The following TMEM178B variants were observed in gnomAD, a reference collection of about 807,000 sequenced individuals.
The protein encoded by TMEM178B is transmembrane protein 178B.
In TMEM178B, 5 loss-of-function variants were observed where a neutral mutation model predicts 31.0. The ratio of observed to expected loss-of-function variants is 0.16; its 90% CI spans 0.08 to 0.34. The LOEUF is 0.34. Ranked by LOEUF, TMEM178B falls within the 10% of genes least tolerant of loss-of-function variation. The pLI is 1.00. For missense variants in TMEM178B, 275 were observed against 400.3 expected, an observed-to-expected ratio of 0.69 and a Z score of 2.67; for synonymous variants, 164 against 164.0, an observed-to-expected ratio of 1.00 and a Z score of 0.00.
intron 2 of TMEM178B, among the ~76,000 whole-genome samples, chr7:141,328,431 C>G (rs1307504339): frequency 3.3e-5 from 5 of 152,144 alleles, no homozygotes. Flanking sequence ...GAGGGAGTTC[C>G]AAGCCTAAAA....
chr7:141,124,617 G>C (rs1347051477), intron 1 of TMEM178B, among the ~76,000 whole-genome samples: 1 of 152,092 alleles, frequency 6.6e-6, no homozygotes, highest in Non-Finnish European at 1.5e-5. Flanking sequence ...AAGTGAAAAA[G>C]TTGGTCACAT....
chr7:141,080,552 G>A (rs201743516), intron 1 of TMEM178B, among the ~76,000 whole-genome samples: 46 of 152,298 alleles, frequency 3.0e-4, no homozygotes, highest in Non-Finnish European at 4.1e-4. Context: ...TCCAGGAAGC[G>A]GAGGTTGCAG....
Position 141,340,278 on chromosome 7 carries a change from T to C in TMEM178B, c.497-97330T>C, listed in dbSNP as rs563329710. Among the ~76,000 whole-genome samples, 79 of 152,342 alleles carry C rather than the reference T, an allele frequency of 5.2e-4. No homozygotes were observed. The South Asian group carries it at 0.016, about 31-fold the overall frequency. ...GATTTCAGTCCAGTGAAACCCATTT[T>C]GGACTTCTGACCTACAGAACTGTAA... On this transcript the variant is annotated intron_variant, in intron 2 of 3. Transcript: ENST00000565468.
downstream of TMEM178B, among the ~76,000 whole-genome samples, chr7:141,481,121 G>A (rs866951835): frequency 9.8e-5 from 15 of 152,322 alleles, no homozygotes; most frequent in South Asian, 4.2e-4. Flanking sequence ...CAGCTCACCC[G>A]GCTGCTGCTA....
chr7:141,471,183 C>G lies in TMEM178B; in HGVS notation c.*397C>G, dbSNP rs1802235592. On this transcript the variant is annotated 3_prime_UTR_variant, in exon 4 of 4. Transcript: ENST00000565468. The surrounding 1 kb of genome is among the most constrained non-coding windows in gnomAD (Gnocchi z 4.1). ...ACGCCACCCCTAACCAGTCATATCA[C>G]AGGGTAACAAAGCCCTCAGTTCCTA... 1 of 152,166 alleles carries G rather than the reference C, an allele frequency of 6.6e-6. No homozygotes were observed. Among genetic ancestry groups the G allele is most frequent in the Non-Finnish European group, 1.5e-5 (1 of 68,064 alleles). The allele number at this position is 152,166 out of a possible 1,614,324, so 9.4% of individuals were successfully genotyped here. A position where few individuals can be genotyped will look rare whatever the true frequency, so the allele number is the denominator to read the frequency against.
At chr7:141,507,481 TC>T in the TMEM178B span, among the ~76,000 whole-genome samples, 3 of 152,230 alleles carry the variant, frequency 2.0e-5, no homozygotes, top group African/African-American at 7.2e-5. Flanking sequence ...CAAATGATGC[TC>T]CTGCCTCAGC....
At chr7:141,503,387 G>C in the TMEM178B span, among the ~76,000 whole-genome samples, 1 of 152,228 alleles carries the variant, frequency 6.6e-6, no homozygotes, top group Non-Finnish European at 1.5e-5. Context: ...TGGTGCCAAA[G>C]CCTATGCTGG....
At chr7:141,099,915 C>T (rs920863104) in intron 1 of TMEM178B, among the ~76,000 whole-genome samples, 1 of 151,604 alleles carries the variant, frequency 6.6e-6, no homozygotes, top group Non-Finnish European at 1.5e-5. Context: ...CTGCAAGCTC[C>T]GCATCCCGGG....
intron 1 of TMEM178B, among the ~76,000 whole-genome samples, chr7:141,199,457 G>T (rs1796840207): frequency 6.6e-6 from 1 of 152,210 alleles, no homozygotes; most frequent in Admixed American, 6.5e-5. Context: ...CATAATTTGG[G>T]GAAGATCTCC....
chr7:141,186,760 G>A (rs1426897011), intron 1 of TMEM178B, among the ~76,000 whole-genome samples: 1 of 152,090 alleles, frequency 6.6e-6, no homozygotes. Flanking sequence ...GATTCCCAGG[G>A]ACGGTGAGTA....
intron 1 of TMEM178B, among the ~76,000 whole-genome samples, chr7:141,098,974 AAAAC>A (rs201052116): frequency 0.011 from 1,720 of 152,252 alleles, 33 homozygotes; most frequent in African/African-American, 0.036. Flanking sequence ...AACCCAAAAC[AAAAC>A]AAACAAACAA....
At chr7:141,492,516 C>T in the TMEM178B span, among the ~76,000 whole-genome samples, 2 of 152,114 alleles carry the variant, frequency 1.3e-5, no homozygotes, top group African/African-American at 2.4e-5. Context: ...TACTGGCCTG[C>T]GAAATGTGTG....
chr7:141,143,644 G>T (rs1795809008), intron 1 of TMEM178B, among the ~76,000 whole-genome samples: 2 of 152,168 alleles, frequency 1.3e-5, no homozygotes, highest in Non-Finnish European at 2.9e-5. Flanking sequence ...TTAAAGTCAG[G>T]TAATGTGATG....
intron 1 of TMEM178B, among the ~76,000 whole-genome samples, chr7:141,085,040 C>T (rs376878432): frequency 6.6e-6 from 1 of 151,806 alleles, no homozygotes; most frequent in South Asian, 2.1e-4. Context: ...TGCCACATCA[C>T]GATCTCAGCT....
chr7:141,111,860 A>G (rs889673351), intron 1 of TMEM178B, among the ~76,000 whole-genome samples: 3 of 152,250 alleles, frequency 2.0e-5, no homozygotes, highest in Non-Finnish European at 4.4e-5. Context: ...CTATTGCCAG[A>G]AATGAGTGTT....
intron 2 of TMEM178B, among the ~76,000 whole-genome samples, chr7:141,294,481 A>C (rs1563143602): frequency 6.6e-6 from 1 of 152,212 alleles, no homozygotes; most frequent in Non-Finnish European, 1.5e-5. Flanking sequence ...AACAGAAAGA[A>C]ATAGGCAGTT....
chr7:141,127,972 C>G (rs1396691686), intron 1 of TMEM178B, among the ~76,000 whole-genome samples: 1 of 152,130 alleles, frequency 6.6e-6, no homozygotes, highest in East Asian at 1.9e-4. Flanking sequence ...ACGCGAACCA[C>G]AGGGCATAAG....
intron 2 of TMEM178B, among the ~76,000 whole-genome samples, chr7:141,361,367 A>C (rs1321808100): frequency 6.6e-6 from 1 of 152,206 alleles, no homozygotes; most frequent in Non-Finnish European, 1.5e-5. Context: ...GTACTAAAAA[A>C]AAAATCTTTG....
chr7:141,368,018 G>A (rs974191422), intron 2 of TMEM178B, among the ~76,000 whole-genome samples: 1 of 152,116 alleles, frequency 6.6e-6, no homozygotes, highest in Non-Finnish European at 1.5e-5. Context: ...GCAGGCACAT[G>A]TTGAAAAATA....
Sources: gnomAD v4.1 joint callset for allele counts (sites outside exome capture counted in the v4.1 genomes callset) on GRCh38, gnomAD v4.1.1 for gene constraint, Gnocchi (gnomAD v3.1) non-coding constraint, MANE v1.5 for transcripts, NCBI Gene and HGNC (gene_info 2026-07-23, HGNC 2026-07-21) for gene names.